The following APBB2 variants were observed in gnomAD, a reference collection of about 807,000 sequenced individuals.
APBB2 encodes amyloid beta precursor protein binding family B member 2.
Under a neutral mutation model 82.5 loss-of-function variants are expected in APBB2, and 38 were observed. The ratio of observed to expected loss-of-function variants is 0.46; its 90% CI spans 0.36 to 0.60. The LOEUF (loss-of-function observed/expected upper bound fraction) is 0.60. Ranked by LOEUF, APBB2 falls within the 20% of genes least tolerant of loss-of-function variation. The pLI is 0.00. For missense variants in APBB2, 772 were observed against 972.3 expected (o/e 0.79, Z 2.74); for synonymous variants, 341 against 368.2 (o/e 0.93, Z 0.85).
At chr4:40,963,230 C>A (rs1793749433) in intron 6 of APBB2, among the ~76,000 whole-genome samples, 2 of 152,046 alleles carry the variant, frequency 1.3e-5, no homozygotes, top group African/African-American at 4.8e-5. Flanking sequence ...CATTCCATTA[C>A]TTTTTCTTTT....
intron 6 of APBB2, among the ~76,000 whole-genome samples, chr4:40,982,402 A>AAAGGAAAGGAAGAAAGG (rs1560449475): frequency 1.3e-5 from 1 of 78,100 alleles, no homozygotes. Context: ...AAAGGAAAGG[A>AAAGGAAAGGAAGAAAGG]AAGAAAGAAA....
At chr4:41,180,880 A>C (rs1771146476) in intron 1 of APBB2, among the ~76,000 whole-genome samples, 1 of 152,104 alleles carries the variant, frequency 6.6e-6, no homozygotes, top group Admixed American at 6.5e-5. Context: ...GTTTAATTCT[A>C]CTTCCTTCCT....
intron 3 of APBB2, among the ~76,000 whole-genome samples, chr4:41,068,966 T>C (rs1732906579): frequency 6.6e-6 from 1 of 151,964 alleles, no homozygotes. Flanking sequence ...CAGCTATTTT[T>C]TGTATTTTTA....
chr4:40,943,462 C>T (rs989703489), intron 7 of APBB2, among the ~76,000 whole-genome samples: 5 of 152,206 alleles, frequency 3.3e-5, no homozygotes, highest in Admixed American at 1.3e-4. Context: ...TTAGTGAGAA[C>T]AGAGATTGAT....
chr4:40,852,282 C>T (rs1188636977), intron 12 of APBB2, among the ~76,000 whole-genome samples: 2 of 144,782 alleles, frequency 1.4e-5, no homozygotes, highest in African/African-American at 5.2e-5. Context: ...ACCCGGGAGG[C>T]GAAGGCTGCA....
intron 5 of APBB2, among the ~76,000 whole-genome samples, chr4:41,027,786 T>C (rs1292674416): frequency 6.6e-6 from 1 of 152,218 alleles, no homozygotes; most frequent in Non-Finnish European, 1.5e-5. Context: ...ATAACCAAAA[T>C]GCCAGTAACA....
chr4:40,907,242 T>G (rs1777006974), intron 10 of APBB2, among the ~76,000 whole-genome samples: 3 of 151,322 alleles, frequency 2.0e-5, no homozygotes, highest in Admixed American at 2.0e-4. Context: ...GTGACTGTAT[T>G]TGGAGAAAGG....
intron 10 of APBB2, among the ~76,000 whole-genome samples, chr4:40,899,089 A>C (rs1774536594): frequency 6.6e-6 from 1 of 152,200 alleles, no homozygotes; most frequent in Non-Finnish European, 1.5e-5. Flanking sequence ...TTCAAATCCC[A>C]GGGCTGCCTC....
At chr4:41,059,043 GA>G (rs1287304784) in intron 4 of APBB2, among the ~76,000 whole-genome samples, 2 of 151,980 alleles carry the variant, frequency 1.3e-5, no homozygotes, top group Non-Finnish European at 2.9e-5. Context: ...AGATCCTGAT[GA>G]ACCCTGGAGA....
intron 10 of APBB2, among the ~76,000 whole-genome samples, chr4:40,894,108 G>A (rs1316081362): frequency 1.3e-5 from 2 of 151,988 alleles, no homozygotes; most frequent in South Asian, 2.1e-4. Context: ...CTAACACGGT[G>A]AAGCACCGTC....
chr4:40,947,682 G>A (rs185651444), intron 6 of APBB2, among the ~76,000 whole-genome samples: 2 of 152,354 alleles, frequency 1.3e-5, no homozygotes, highest in South Asian at 2.1e-4. Context: ...TGCAAAGTGG[G>A]CACACCTACG....
rs1423562945 is a variant in APBB2 at position 40,810,739 on chromosome 4, G to A, written c.*5353C>T. The A allele has an allele frequency of 6.6e-6, 1 of 152,134 alleles. No homozygotes were observed. Among genetic ancestry groups the A allele is most frequent in the African/African-American group, 2.4e-5 (1 of 41,424 alleles). 9.4% of individuals were successfully genotyped at this position (152,134 alleles called of 1,614,324 possible). On this transcript the variant is annotated 3_prime_UTR_variant, in exon 18 of 18. Transcript: ENST00000508593. Reference sequence around the variant, plus strand: ...GTGCTCAGCTTATTTTGCTGATTTTGAAAATCAAACACTATCTCCTTGCCC... The same window carrying A: ...GTGCTCAGCTTATTTTGCTGATTTTAAAAATCAAACACTATCTCCTTGCCC...
intron 12 of APBB2, among the ~76,000 whole-genome samples, chr4:40,859,287 A>ATTTT (rs34512213): frequency 1.4e-5 from 2 of 141,932 alleles, no homozygotes; most frequent in Non-Finnish European, 1.5e-5. Context: ...GGCTGCTGTC[A>ATTTT]TTTTTTTTTT....
At chr4:41,036,963 T>C (rs998208343) in intron 4 of APBB2, among the ~76,000 whole-genome samples, 8 of 152,184 alleles carry the variant, frequency 5.3e-5, no homozygotes, top group East Asian at 1.9e-4. Flanking sequence ...ACTATACAAA[T>C]GATGGCTTTT....
intron 1 of APBB2, among the ~76,000 whole-genome samples, chr4:41,157,770 C>T (rs147949774): frequency 2.6e-5 from 4 of 152,278 alleles, no homozygotes; most frequent in African/African-American, 9.6e-5. Flanking sequence ...GTGGGTGGAT[C>T]ACTTGAGGTC....
chr4:41,105,694 C>T (rs186676323), intron 2 of APBB2, among the ~76,000 whole-genome samples: 2 of 152,096 alleles, frequency 1.3e-5, no homozygotes, highest in Admixed American at 6.5e-5. Flanking sequence ...ACCATCCTGG[C>T]TAACACAGTG....
At chr4:40,926,939 G>C (rs1411753399) in intron 10 of APBB2, among the ~76,000 whole-genome samples, 1 of 152,196 alleles carries the variant, frequency 6.6e-6, no homozygotes, top group Middle Eastern at 3.2e-3. Context: ...GCAGAGGGGA[G>C]GGCACACACA....
Position 40,919,030 on chromosome 4 carries a change from G to T in APBB2, c.1254+15426C>A, listed in dbSNP as rs748641322. On this transcript the variant is annotated intron_variant, in intron 10 of 17. Coordinates refer to ENST00000508593, the MANE Select transcript of APBB2 (RefSeq NM_004307.2). ...AAGTCTTTTCAAGCAGGCCTCTGGA[G>T]GTTGAGAACAGACTGGGCTTTCACC... Among the ~76,000 whole-genome samples the T allele has an allele frequency of 7.9e-4, 120 of 152,110 alleles. 1 individual carries two copies. The highest frequency in any genetic ancestry group is 2.8e-4 in the Non-Finnish European group (19 of 68,024).
At chr4:41,073,250 TA>T (rs1197893983) in intron 3 of APBB2, among the ~76,000 whole-genome samples, 1 of 152,038 alleles carries the variant, frequency 6.6e-6, no homozygotes, top group African/African-American at 2.4e-5. Flanking sequence ...ATTTTCAGAG[TA>T]AAAAAAACCT....
Sources: gnomAD v4.1 joint callset for allele counts (sites outside exome capture counted in the v4.1 genomes callset) on GRCh38, gnomAD v4.1.1 for gene constraint, MANE v1.5 for transcripts, NCBI Gene and HGNC (gene_info 2026-07-23, HGNC 2026-07-21) for gene names.